Variants in ASCC3 observed in about 807,000 individuals in gnomAD.
ASCC3 encodes ASC-1 complex subunit P200.
ASCC3 carries 158 observed loss-of-function variants against 256.3 expected under a neutral mutation model. The observed-to-expected ratio is 0.62, with a 90% confidence interval of 0.54 to 0.70. ASCC3 has a LOEUF of 0.70. ASCC3 is among the 30% of genes least tolerant of loss of function. The pLI is 0.00. For missense variants in ASCC3, 2,259 were observed against 2,626.0 expected (o/e 0.86, Z 3.05); for synonymous variants, 948 against 883.4 (o/e 1.07, Z -1.30).
At chr6:100,647,531 G>T in intron 20 of ASCC3, 80 bp from the exon 21 acceptor site, 1 of 1,296,332 alleles carries the variant, frequency 7.7e-7, no homozygotes, top group South Asian at 1.2e-5. Flanking sequence ...TTCAAACTCA[G>T]TCTGAAAAGA....
intron 13 of ASCC3, among the ~76,000 whole-genome samples, chr6:100,684,321 G>T (rs1777453459): frequency 6.6e-6 from 1 of 152,198 alleles, no homozygotes; most frequent in Non-Finnish European, 1.5e-5. Flanking sequence ...GGAAAACACT[G>T]TGTTTAGTAA....
chr6:100,651,844 A>G (rs1031244431), intron 18 of ASCC3, among the ~76,000 whole-genome samples, 198 bp from the exon 19 acceptor site: 5 of 151,974 alleles, frequency 3.3e-5, no homozygotes, highest in Non-Finnish European at 7.4e-5. Context: ...AATTCCTAGA[A>G]CATAATTAGC....
chr6:100,552,256 CTTTG>C (rs1201884743), intron 36 of ASCC3, among the ~76,000 whole-genome samples: 2 of 151,626 alleles, frequency 1.3e-5, no homozygotes, highest in Non-Finnish European at 2.9e-5. Context: ...AGATGTAAAT[CTTTG>C]TTTATAATTA....
chr6:100,827,689 CTATACAGACAAA>C (rs1189825374), intron 4 of ASCC3, among the ~76,000 whole-genome samples: 2 of 152,128 alleles, frequency 1.3e-5, no homozygotes, highest in African/African-American at 4.8e-5. Flanking sequence ...CAAACAAATC[CTATACAGACAAA>C]TGCTAACAGG....
intron 14 of ASCC3, among the ~76,000 whole-genome samples, chr6:100,671,498 T>A (rs1390415008): frequency 6.6e-6 from 1 of 152,050 alleles, no homozygotes. Flanking sequence ...CACAAAAGAA[T>A]ACCAGCTGTG....
At chr6:100,666,004 A>G (rs1488491045) in intron 14 of ASCC3, among the ~76,000 whole-genome samples, 4 of 152,120 alleles carry the variant, frequency 2.6e-5, no homozygotes, top group Admixed American at 2.0e-4. Context: ...CCACTGTACT[A>G]ATCTGTACTC....
At position 100,662,420 on chromosome 6, in the gene ASCC3, C is replaced by T. The variant is rs1247110859; in HGVS notation, c.2403G>A (p.Gly801=). 1 of 1,613,308 alleles carries T rather than the reference C, an allele frequency of 6.2e-7. No individual in the cohort carries two copies. Among genetic ancestry groups the T allele is most frequent in the Non-Finnish European group, 8.5e-7 (1 of 1,179,504 alleles). Reference sequence around the variant, plus strand: ...CTGTACACACTAGGACTTTGATATGCCCATTAGAAAACAAGTTTTCAACTA... The same window carrying T: ...CTGTACACACTAGGACTTTGATATGTCCATTAGAAAACAAGTTTTCAACTA... ...RNLVENLFSN[G]HIKVLVCTAT... Residue 801 remains glycine, a synonymous_variant, in exon 15 of 42, where the codon GGG becomes GGA. Coordinates refer to ENST00000369162, the MANE Select transcript of ASCC3 (RefSeq NM_006828.4).
At chr6:100,680,403 G>A (rs1027578647) in intron 13 of ASCC3, among the ~76,000 whole-genome samples, 8 of 152,126 alleles carry the variant, frequency 5.3e-5, no homozygotes, top group African/African-American at 1.9e-4. Context: ...TACAACTGAA[G>A]AGAATAAGGG....
At chr6:100,512,551 C>A (rs1773816921) in intron 40 of ASCC3, among the ~76,000 whole-genome samples, 158 bp downstream of exon 40, 1 of 152,132 alleles carries the variant, frequency 6.6e-6, no homozygotes, top group Non-Finnish European at 1.5e-5. Flanking sequence ...ATGAGGAGAA[C>A]TCACGAATTT....
At chr6:100,723,030 T>C (rs1223782328) in intron 11 of ASCC3, among the ~76,000 whole-genome samples, 3 of 151,820 alleles carry the variant, frequency 2.0e-5, no homozygotes, top group Non-Finnish European at 3.0e-5. Flanking sequence ...CACAGTTTGA[T>C]ATATAGAAGT....
chr6:100,662,699 A>T (rs182454168), intron 14 of ASCC3, among the ~76,000 whole-genome samples, 163 bp from the exon 15 acceptor site: 1 of 152,064 alleles, frequency 6.6e-6, no homozygotes, highest in Non-Finnish European at 1.5e-5. Context: ...ATCATAAAAA[A>T]TAATGTTACC....
At chr6:100,609,078 G>A (rs550513921) in intron 30 of ASCC3, among the ~76,000 whole-genome samples, 1 of 151,222 alleles carries the variant, frequency 6.6e-6, no homozygotes, top group South Asian at 2.1e-4. Context: ...AAATATTTTT[G>A]CCCCCAGTTT....
intron 8 of ASCC3, among the ~76,000 whole-genome samples, chr6:100,794,929 A>G (rs1432752189): frequency 2.6e-5 from 4 of 152,114 alleles, no homozygotes; most frequent in African/African-American, 9.7e-5. Context: ...TATCAAAGAC[A>G]TGGTTCTGTC....
intron 23 of ASCC3, 82 bp from the exon 24 acceptor site, chr6:100,642,831 A>T: frequency 8.0e-7 from 1 of 1,253,774 alleles, no homozygotes; most frequent in Non-Finnish European, 1.2e-6. Context: ...AGATAACGGT[A>T]TCTCTACAAG....
chr6:100,599,740 T>C (rs570129433), intron 34 of ASCC3, among the ~76,000 whole-genome samples: 2 of 152,190 alleles, frequency 1.3e-5, no homozygotes, highest in South Asian at 4.2e-4. Flanking sequence ...GAACTACAAT[T>C]TGCTAAAGTA....
At chr6:100,773,000 G>C (rs1434779846) in intron 8 of ASCC3, among the ~76,000 whole-genome samples, 1 of 152,120 alleles carries the variant, frequency 6.6e-6, no homozygotes, top group Non-Finnish European at 1.5e-5. Flanking sequence ...TATGGGCTAA[G>C]CACAGGAGTC....
chr6:100,814,055 G>A (rs1052707428), intron 4 of ASCC3, among the ~76,000 whole-genome samples: 4 of 152,012 alleles, frequency 2.6e-5, no homozygotes, highest in African/African-American at 4.8e-5. Flanking sequence ...TTGCCAATTC[G>A]GTATGATCTT....
intron 10 of ASCC3, among the ~76,000 whole-genome samples, chr6:100,766,218 C>T (rs1399095371): frequency 2.0e-5 from 3 of 152,142 alleles, no homozygotes; most frequent in African/African-American, 7.2e-5. Flanking sequence ...AATACTAGTG[C>T]AATCATTTTA....
At chr6:100,570,767 G>T (rs939628625) in intron 36 of ASCC3, among the ~76,000 whole-genome samples, 1 of 152,066 alleles carries the variant, frequency 6.6e-6, no homozygotes, top group African/African-American at 2.4e-5. Flanking sequence ...TTTATTCATT[G>T]CTTTTCACCT....
Sources: gnomAD v4.1 joint callset for allele counts (sites outside exome capture counted in the v4.1 genomes callset) on GRCh38, gnomAD v4.1.1 for gene constraint, MANE v1.5 for transcripts, NCBI Gene and HGNC (gene_info 2026-07-23, HGNC 2026-07-21) for gene names.